Variants in GRM7 observed in about 807,000 individuals in gnomAD.
GRM7 encodes the protein glutamate metabotropic receptor 7, also known as metabotropic glutamate receptor 7.
GRM7 carries 35 observed loss-of-function variants against 84.5 expected under a neutral mutation model. The ratio of observed to expected loss-of-function variants is 0.41; its 90% CI spans 0.32 to 0.55. The LOEUF (loss-of-function observed/expected upper bound fraction) is 0.55, where lower values mean the gene tolerates loss of function less well. GRM7 is among the 20% of genes least tolerant of loss of function. The pLI is 0.19. For missense variants in GRM7, 1,003 were observed against 1,194.6 expected (o/e 0.84, Z 2.36); for synonymous variants, 487 against 455.1 (o/e 1.07, Z -0.89).
intron 4 of GRM7, among the ~76,000 whole-genome samples, chr3:7,346,842 G>A (rs1692916340): frequency 6.6e-6 from 1 of 152,078 alleles, no homozygotes; most frequent in Admixed American, 6.6e-5. Flanking sequence ...AATTCTGAGT[G>A]AGCTCTGGCA....
chr3:7,565,730 G>A (rs954651874), intron 7 of GRM7, among the ~76,000 whole-genome samples: 1 of 152,196 alleles, frequency 6.6e-6, no homozygotes, highest in African/African-American at 2.4e-5. Context: ...TGGATGTTGT[G>A]CAATAATTGG....
intron 1 of GRM7, among the ~76,000 whole-genome samples, chr3:6,866,464 T>C (rs1166656314): frequency 6.6e-6 from 1 of 152,164 alleles, no homozygotes; most frequent in African/African-American, 2.4e-5. Flanking sequence ...GGTGAGTTTG[T>C]GGGAACTTTT....
chr3:7,359,120 A>G (rs1575216072), intron 4 of GRM7, among the ~76,000 whole-genome samples: 1 of 133,730 alleles, frequency 7.5e-6, no homozygotes, highest in African/African-American at 3.2e-5. Flanking sequence ...TCAAAAAAAA[A>G]AAAAAAAGAA....
chr3:7,224,627 A>T (rs1696921098), intron 2 of GRM7, among the ~76,000 whole-genome samples: 1 of 152,226 alleles, frequency 6.6e-6, no homozygotes, highest in East Asian at 1.9e-4. Flanking sequence ...CACTGAGAAA[A>T]TTGTATTCTT....
rs370804138 is a variant in GRM7 at position 7,393,046 on chromosome 3, C to T, written c.1034-21977C>T. ...TTGGGCCGAGACCAGAGAGGGCAGGCTACCACTCAGGCAAGTAGAGTGAGC... is the reference window on the plus strand; with the variant it reads ...TTGGGCCGAGACCAGAGAGGGCAGGTTACCACTCAGGCAAGTAGAGTGAGC... On this transcript the variant is annotated intron_variant, in intron 4 of 9. Coordinates refer to ENST00000357716, the MANE Select transcript of GRM7 (RefSeq NM_000844.4). Among the ~76,000 whole-genome samples, 137 of 152,224 alleles carry T rather than the reference C, an allele frequency of 9.0e-4. 4 individuals carry two copies. The South Asian group carries it at 0.026, about 29-fold the overall frequency.
intron 7 of GRM7, among the ~76,000 whole-genome samples, chr3:7,519,388 T>C (rs543784479): frequency 3.4e-5 from 5 of 147,616 alleles, no homozygotes; most frequent in African/African-American, 1.2e-4. Flanking sequence ...CAAACATATT[T>C]GCCATTATAT....
intron 2 of GRM7, among the ~76,000 whole-genome samples, chr3:7,221,662 A>G (rs1228976767): frequency 6.6e-6 from 1 of 151,680 alleles, no homozygotes; most frequent in Non-Finnish European, 1.5e-5. Context: ...TGATATATTA[A>G]TTTTAAATCT....
At chr3:7,442,706 A>G (rs1167931491) in intron 5 of GRM7, among the ~76,000 whole-genome samples, 3 of 152,166 alleles carry the variant, frequency 2.0e-5, no homozygotes, top group Admixed American at 6.6e-5. Context: ...ACCTTCCCAT[A>G]TAGCATAGCT....
rs149221188 is a variant in GRM7, at chr3:7,652,338, G to A, written c.2452-27711G>A. 8.9e-3 allele frequency among the ~76,000 whole-genome samples: 1,352 copies of A among 152,332 alleles called. 14 individuals are homozygous for A. Among genetic ancestry groups the A allele is most frequent in the Non-Finnish European group, 0.012 (827 of 68,032 alleles). ...AGGCCAAGGACTGGTTAGGGGAGAA[G>A]GGATAGGGAAAGTTCTCAGAAGGAA... On this transcript the variant is annotated intron_variant, in intron 8 of 9. Transcript: ENST00000357716.
At chr3:7,372,247 A>G (rs1694169231) in intron 4 of GRM7, among the ~76,000 whole-genome samples, 1 of 152,156 alleles carries the variant, frequency 6.6e-6, no homozygotes, top group African/African-American at 2.4e-5. Context: ...TGAGTTTTAG[A>G]TGTTAGCAAA....
intron 4 of GRM7, among the ~76,000 whole-genome samples, chr3:7,400,418 C>G (rs1181806990): frequency 6.6e-6 from 1 of 152,166 alleles, no homozygotes; most frequent in African/African-American, 2.4e-5. Context: ...TGTGAGATAA[C>G]ATCCTGACTC....
chr3:7,698,004 A>G (rs1402171980), intron 9 of GRM7, among the ~76,000 whole-genome samples: 1 of 152,240 alleles, frequency 6.6e-6, no homozygotes, highest in Admixed American at 6.5e-5. Context: ...AAAGTTTGCT[A>G]TTAATTTACA....
chr3:7,211,960 T>C (rs547730833), intron 2 of GRM7, among the ~76,000 whole-genome samples: 7 of 151,970 alleles, frequency 4.6e-5, no homozygotes, highest in African/African-American at 1.7e-4. Context: ...TTTTTTTTTT[T>C]CTCCAATTAA....
chr3:6,993,723 G>C (rs1160969141), intron 1 of GRM7, among the ~76,000 whole-genome samples: 3 of 152,190 alleles, frequency 2.0e-5, no homozygotes, highest in Non-Finnish European at 2.9e-5. Context: ...TGAAAAGGAT[G>C]TTGGCAATGG....
intron 1 of GRM7, among the ~76,000 whole-genome samples, chr3:6,978,507 A>G (rs1193174009): frequency 2.0e-5 from 3 of 152,174 alleles, no homozygotes; most frequent in Admixed American, 2.0e-4. Context: ...GATCCAAACA[A>G]TTAAATTGCT....
At chr3:7,140,621 G>A (rs1442889700) in intron 1 of GRM7, among the ~76,000 whole-genome samples, 2 of 151,918 alleles carry the variant, frequency 1.3e-5, no homozygotes, top group African/African-American at 2.4e-5. Flanking sequence ...ACAGCTCTTA[G>A]CATGATGTTT....
Position 6,956,649 on chromosome 3 carries a change from G to A in GRM7, c.519+94742G>A, listed in dbSNP as rs1216164539. On this transcript the variant is annotated intron_variant, in intron 1 of 9. Transcript: ENST00000357716. The stretch of plus-strand genomic sequence containing the variant: ...GTTCAAGCTCATCTTTTCTGTGCAT[G>A]TTTACCTGCTCAGTACTGCTCACAT... 3 of 456,518 alleles carry A rather than the reference G, an allele frequency of 6.6e-6. No individual in the cohort carries two copies. In the East Asian group the frequency reaches 2.1e-4, roughly 32 times the overall value. The allele number at this position is 456,518 out of a possible 1,614,324, so 28.3% of individuals were successfully genotyped here. A position where few individuals can be genotyped will look rare whatever the true frequency, so the allele number is the denominator to read the frequency against.
intron 1 of GRM7, among the ~76,000 whole-genome samples, chr3:6,940,754 T>G (rs1191744371): frequency 2.0e-5 from 3 of 152,214 alleles, no homozygotes; most frequent in Admixed American, 2.0e-4. Flanking sequence ...AACCCCCATT[T>G]TCTATGTAGC....
At chr3:7,720,161 CA>C (rs1027782684) in intron 9 of GRM7, among the ~76,000 whole-genome samples, 3 of 152,166 alleles carry the variant, frequency 2.0e-5, no homozygotes, top group African/African-American at 7.2e-5. Context: ...CAATCTCTCA[CA>C]AGATCACAGC....
Sources: allele counts gnomAD v4.1 joint callset (sites outside exome capture counted in the v4.1 genomes callset), GRCh38; gene constraint gnomAD v4.1.1; transcripts MANE v1.5; gene names NCBI Gene and HGNC (gene_info 2026-07-23, HGNC 2026-07-21).